PTPRN2: variants seen among roughly 807,000 people sequenced by gnomAD.
The protein encoded by PTPRN2 is protein tyrosine phosphatase receptor type N2, also known as receptor-type tyrosine-protein phosphatase N2.
In PTPRN2, 74 loss-of-function variants were observed where a neutral mutation model predicts 118.8. That is an observed-to-expected ratio of 0.62 (90% CI 0.52 to 0.76). The LOEUF (loss-of-function observed/expected upper bound fraction) is 0.76, where lower values mean the gene tolerates loss of function less well. Among genes scored for constraint, PTPRN2 ranks in the 30% least tolerant of loss-of-function variants. The probability of loss-of-function intolerance (pLI) is 0.00; values close to 1 mark genes in which losing one functional copy is unlikely to be tolerated. For missense variants in PTPRN2, 1,481 were observed against 1,394.4 expected, an observed-to-expected ratio of 1.06 and a Z score of -0.99; for synonymous variants, 641 against 608.0, an observed-to-expected ratio of 1.05 and a Z score of -0.80.
At chr7:157,781,127 G>A (rs1310342730) in intron 12 of PTPRN2, among the ~76,000 whole-genome samples, 3 of 152,204 alleles carry the variant, frequency 2.0e-5, no homozygotes, top group Non-Finnish European at 4.4e-5. Flanking sequence ...TAGTGCTTGC[G>A]GTCCTATGGC....
chr7:158,246,821 G>A (rs761894633), intron 3 of PTPRN2, among the ~76,000 whole-genome samples: 5 of 152,132 alleles, frequency 3.3e-5, no homozygotes, highest in South Asian at 4.1e-4. Flanking sequence ...TGGTCATGCC[G>A]GAATCCACTG....
chr7:158,118,998 G>A (rs1430597718), intron 9 of PTPRN2, among the ~76,000 whole-genome samples: 2 of 152,020 alleles, frequency 1.3e-5, no homozygotes, highest in South Asian at 4.1e-4. Flanking sequence ...CACCACACCT[G>A]GCCAATATCT....
chr7:158,231,370 G>T (rs1829154586), intron 3 of PTPRN2, among the ~76,000 whole-genome samples: 2 of 152,118 alleles, frequency 1.3e-5, no homozygotes, highest in Non-Finnish European at 2.9e-5. Context: ...ACTGCAAAAA[G>T]CAACAAAGAA....
chr7:157,763,646 C>T lies in PTPRN2; in HGVS notation c.1789-80709G>A, dbSNP rs1291907808. 6.6e-6 allele frequency among the ~76,000 whole-genome samples: 1 copy of T among 152,086 alleles called. No homozygotes were observed. The highest frequency in any genetic ancestry group is 1.5e-5 in the Non-Finnish European group (1 of 68,018). On this transcript the variant is annotated intron_variant, in intron 12 of 22. Transcript: ENST00000389418. The surrounding 1 kb of genome is among the most constrained non-coding windows in gnomAD (Gnocchi z 4.9). ...ATTAAATTCTTCTGGAAATCTTAGC[C>T]TGCCTCACTGCTTGGTTTCCTCTTC...
At chr7:158,282,755 C>T (rs1423970256) in intron 3 of PTPRN2, among the ~76,000 whole-genome samples, 1 of 147,932 alleles carries the variant, frequency 6.8e-6, no homozygotes, top group Non-Finnish European at 1.5e-5. Context: ...ACAGACGGCT[C>T]ATCCCTCCTC....
At position 157,874,952 on chromosome 7, in the gene PTPRN2, C is replaced by T. The variant is rs1795648848; in HGVS notation, c.1788+23721G>A. 6.6e-6 allele frequency among the ~76,000 whole-genome samples: 1 copy of T among 152,106 alleles called. No homozygotes were observed. Among genetic ancestry groups the T allele is most frequent in the Non-Finnish European group, 1.5e-5 (1 of 68,026 alleles). ...AGAGAAACACTTGTGCACGGAGACA[C>T]ACTTGTGCACATACACAGAGACACA... On this transcript the variant is annotated intron_variant, in intron 12 of 22. Coordinates refer to ENST00000389418, the MANE Select transcript of PTPRN2 (RefSeq NM_002847.5). The surrounding 1 kb of genome is among the most constrained non-coding windows in gnomAD (Gnocchi z 5.8).
chr7:157,627,174 C>T lies in PTPRN2; in HGVS notation c.2197-5665G>A, dbSNP rs1803637405. 6.6e-6 allele frequency among the ~76,000 whole-genome samples: 1 copy of T among 152,026 alleles called. No homozygotes were observed. The highest frequency in any genetic ancestry group is 2.4e-5 in the African/African-American group (1 of 41,286). ...CCTCCAGGCACCAGTGTGCACCGCA[C>T]CTGCAGCTGGGTCTCCTCCGGGGCG... On this transcript the variant is annotated intron_variant, in intron 14 of 22. Transcript: ENST00000389418. This position sits in a 1 kb window ranked among gnomAD's most constrained non-coding sequence, Gnocchi z 4.2.
At chr7:158,303,253 G>A (rs189254062) in intron 3 of PTPRN2, among the ~76,000 whole-genome samples, 236 of 151,700 alleles carry the variant, frequency 1.6e-3, no homozygotes, top group African/African-American at 5.4e-3. Context: ...TAAAAATCAC[G>A]GCTCTGCACT....
intron 2 of PTPRN2, among the ~76,000 whole-genome samples, chr7:158,342,516 GAGCTGACACCTGCAGACGTCACT>G (rs1807098568): frequency 1.2e-5 from 1 of 84,352 alleles, no homozygotes; most frequent in Non-Finnish European, 2.4e-5. Context: ...CTCACCATAA[GAGCTGACACCTGCAGACGTCACT>G]CACACCCACA....
At chr7:158,500,109 G>A (rs1306308825) in intron 1 of PTPRN2, among the ~76,000 whole-genome samples, 1 of 150,700 alleles carries the variant, frequency 6.6e-6, no homozygotes, top group African/African-American at 2.4e-5. Flanking sequence ...ATTGCCTTCT[G>A]CTCCTTTAGA....
At chr7:157,564,839 G>A (rs1799401287) in intron 21 of PTPRN2, among the ~76,000 whole-genome samples, 1 of 152,234 alleles carries the variant, frequency 6.6e-6, no homozygotes, top group Non-Finnish European at 1.5e-5. Context: ...GGATGTGGGT[G>A]GACACCCTCA....
Position 157,764,842 on chromosome 7 carries a change from C to T in PTPRN2, c.1789-81905G>A, listed in dbSNP as rs1802349729. Among the ~76,000 whole-genome samples, 1 of 152,124 alleles carries T rather than the reference C, an allele frequency of 6.6e-6. No individual in the cohort carries two copies. Among genetic ancestry groups the T allele is most frequent in the African/African-American group, 2.4e-5 (1 of 41,418 alleles). On this transcript the variant is annotated intron_variant, in intron 12 of 22. Coordinates refer to ENST00000389418, the MANE Select transcript of PTPRN2 (RefSeq NM_002847.5). This position sits in a 1 kb window ranked among gnomAD's most constrained non-coding sequence, Gnocchi z 4.5. ...CTGGGAAATGATCCATCCTGCCATT[C>T]ATCCATCCATCCATCAAGCACTCAT... is the stretch of plus-strand genomic sequence containing the variant.
chr7:158,168,862 T>G (rs1397878241), intron 5 of PTPRN2, among the ~76,000 whole-genome samples: 5 of 152,186 alleles, frequency 3.3e-5, no homozygotes, highest in African/African-American at 4.8e-5. Flanking sequence ...AGTCCCCACA[T>G]TGTACCTCTG....
intron 12 of PTPRN2, among the ~76,000 whole-genome samples, chr7:157,822,577 A>T: frequency 6.6e-6 from 1 of 150,478 alleles, no homozygotes; most frequent in East Asian, 2.0e-4. Context: ...ATCTTTCCAT[A>T]ATACACTTAT....
chr7:158,261,372 T>G (rs918744557), intron 3 of PTPRN2, among the ~76,000 whole-genome samples: 24 of 152,028 alleles, frequency 1.6e-4, no homozygotes, highest in African/African-American at 5.8e-4. Flanking sequence ...CACGAACTTG[T>G]GAGACACAAT....
intron 17 of PTPRN2, among the ~76,000 whole-genome samples, chr7:157,592,247 T>C (rs1801021072): frequency 6.6e-6 from 1 of 152,216 alleles, no homozygotes; most frequent in Non-Finnish European, 1.5e-5. Context: ...CTCCAACAAT[T>C]GCAACTATCC....
At chr7:157,839,175 A>C (rs1808191471) in intron 12 of PTPRN2, among the ~76,000 whole-genome samples, 1 of 152,298 alleles carries the variant, frequency 6.6e-6, no homozygotes, top group Admixed American at 6.5e-5. Flanking sequence ...AAGACAGATT[A>C]ACACGTAATT....
At chr7:157,771,697 A>G (rs1802816612) in intron 12 of PTPRN2, among the ~76,000 whole-genome samples, 1 of 152,018 alleles carries the variant, frequency 6.6e-6, no homozygotes, top group Non-Finnish European at 1.5e-5. Context: ...GCAGACACAC[A>G]AACACACAGA....
At chr7:157,551,231 G>A (rs1267373428) in intron 21 of PTPRN2, among the ~76,000 whole-genome samples, 1 of 152,078 alleles carries the variant, frequency 6.6e-6, no homozygotes, top group Non-Finnish European at 1.5e-5. Flanking sequence ...ACTCAGAAAT[G>A]CCCATATTGT....
Sources: gnomAD v4.1 joint callset for allele counts (sites outside exome capture counted in the v4.1 genomes callset) on GRCh38, gnomAD v4.1.1 for gene constraint, Gnocchi (gnomAD v3.1) non-coding constraint, MANE v1.5 for transcripts, NCBI Gene and HGNC (gene_info 2026-07-23, HGNC 2026-07-21) for gene names.